The following NRG2 variants were observed in gnomAD, a reference collection of about 807,000 sequenced individuals.
The protein encoded by NRG2 is pro-neuregulin-2, membrane-bound isoform.
NRG2 carries 27 observed loss-of-function variants against 73.9 expected under a neutral mutation model. The ratio of observed to expected loss-of-function variants is 0.37; its 90% confidence interval spans 0.27 to 0.50. The LOEUF (loss-of-function observed/expected upper bound fraction) is 0.50. Among genes scored for constraint, NRG2 ranks in the 20% least tolerant of loss-of-function variants. The pLI is 0.96. For synonymous variants in NRG2, 532 were observed against 541.0 expected (o/e 0.98, Z 0.23); for missense variants, 1,126 against 1,210.1 (o/e 0.93, Z 1.03).
intron 1 of NRG2, among the ~76,000 whole-genome samples, chr5:140,000,519 G>A (rs1412177595): frequency 3.3e-5 from 5 of 152,234 alleles, no homozygotes; most frequent in African/African-American, 7.2e-5. Context: ...TTAAGTAGGC[G>A]TGAGAACCCA....
rs145994490 is a variant in NRG2, at chr5:139,961,842, G to A, written c.701-74331C>T. On this transcript the variant is annotated intron_variant, in intron 1 of 9. Coordinates refer to ENST00000361474, the MANE Select transcript of NRG2 (RefSeq NM_004883.3). Reference sequence around the variant, plus strand: ...GCAGCTCAATCCAGTTTCAGGAATCGTCTGCAATAGCCACTGTCCTGACTT... The same window carrying A: ...GCAGCTCAATCCAGTTTCAGGAATCATCTGCAATAGCCACTGTCCTGACTT... Among the ~76,000 whole-genome samples, 701 of 152,318 alleles carry A rather than the reference G, an allele frequency of 4.6e-3. 9 individuals carry two copies. Among genetic ancestry groups the A allele is most frequent in the African/African-American group, 0.016 (682 of 41,562 alleles).
At chr5:139,895,421 C>T (rs914569464) in intron 1 of NRG2, among the ~76,000 whole-genome samples, 2 of 152,242 alleles carry the variant, frequency 1.3e-5, no homozygotes, top group African/African-American at 4.8e-5. Flanking sequence ...GCAGCAGTTG[C>T]TGGGGTAGGC....
Position 139,856,751 on chromosome 5 carries a change from C to A in NRG2, c.1190-973G>T, listed in dbSNP as rs1330050384. 5.3e-5 allele frequency among the ~76,000 whole-genome samples: 8 copies of A among 152,218 alleles called. No individual in the cohort carries two copies. The highest frequency in any genetic ancestry group is 1.4e-4 in the African/African-American group (6 of 41,462). On this transcript the variant is annotated intron_variant, in intron 5 of 9. Coordinates refer to ENST00000361474, the MANE Select transcript of NRG2 (RefSeq NM_004883.3). The surrounding 1 kb of genome is among the most constrained non-coding windows in gnomAD (Gnocchi z 4.2). ...CCTCCAGACACACAGAGATTTCTAA[C>A]TATGCCTATCTGATTCACAGGCAGA...
intron 3 of NRG2, among the ~76,000 whole-genome samples, chr5:139,874,197 C>G (rs893354446): frequency 7.9e-5 from 12 of 152,138 alleles, no homozygotes; most frequent in Admixed American, 7.9e-4. Context: ...CGCGTGGGCT[C>G]CTGAGGCAAC....
At chr5:139,956,393 C>G (rs1754629209) in intron 1 of NRG2, among the ~76,000 whole-genome samples, 1 of 151,776 alleles carries the variant, frequency 6.6e-6, no homozygotes, top group Middle Eastern at 3.2e-3. Context: ...CAGGCCCTAC[C>G]TACATGAAGT....
chr5:139,878,001 T>A (rs1581840935), intron 3 of NRG2, among the ~76,000 whole-genome samples: 2 of 152,068 alleles, frequency 1.3e-5, no homozygotes, highest in East Asian at 3.9e-4. Flanking sequence ...GTTCCTAAAC[T>A]GATCACAGCA....
chr5:139,872,291 G>A (rs1483240454), intron 3 of NRG2, among the ~76,000 whole-genome samples: 2 of 152,210 alleles, frequency 1.3e-5, no homozygotes, highest in African/African-American at 2.4e-5. Context: ...CATGGCTTGG[G>A]CTCTCATGGT....
chr5:139,883,319 ACCCCCGC>A (rs1162655708), intron 2 of NRG2, among the ~76,000 whole-genome samples: 2 of 130,228 alleles, frequency 1.5e-5, no homozygotes, highest in Admixed American at 1.6e-4. Flanking sequence ...CTCAGCGCCT[ACCCCCGC>A]CCCCCGCCCC....
At chr5:139,966,611 A>C (rs1755538621) in intron 1 of NRG2, among the ~76,000 whole-genome samples, 1 of 152,132 alleles carries the variant, frequency 6.6e-6, no homozygotes, top group South Asian at 2.1e-4. Context: ...ATTTCACAAA[A>C]AGAGGTTAGT....
intron 1 of NRG2, among the ~76,000 whole-genome samples, chr5:140,001,937 C>T (rs997399696): frequency 1.3e-5 from 2 of 152,212 alleles, no homozygotes; most frequent in African/African-American, 2.4e-5. Flanking sequence ...AATCCCAGCA[C>T]TTTGGAAGGC....
chr5:140,030,925 T>C (rs13173983), intron 1 of NRG2, among the ~76,000 whole-genome samples: 38,766 of 151,992 alleles, frequency 0.26, 5,129 homozygotes, highest in Middle Eastern at 0.4. Flanking sequence ...GTTACTAGCC[T>C]TTTTGGAGAA....
rs956441871 is a variant in NRG2 at position 139,904,552 on chromosome 5, C to T, written c.701-17041G>A. Among the ~76,000 whole-genome samples, 3 of 152,242 alleles carry T rather than the reference C, an allele frequency of 2.0e-5. No individual in the cohort carries two copies. The East Asian group carries it at 5.8e-4, about 30-fold the overall frequency. ...AGCAGCGAGCCTTAACTCTTCCCCT[C>T]CCGCGCCCTCCACCCTCGCCCCCCC... On this transcript the variant is annotated intron_variant, in intron 1 of 9. Coordinates refer to ENST00000361474, the MANE Select transcript of NRG2 (RefSeq NM_004883.3). This position sits in a 1 kb window ranked among gnomAD's most constrained non-coding sequence, Gnocchi z 6.0.
chr5:139,950,410 T>C (rs67659189), intron 1 of NRG2, among the ~76,000 whole-genome samples: 7,204 of 152,256 alleles, frequency 0.047, 359 homozygotes, highest in African/African-American at 0.12. Context: ...TCTTTCAAAG[T>C]AGAAAATTCC....
At chr5:139,858,545 C>G (rs189285370) in intron 5 of NRG2, among the ~76,000 whole-genome samples, 46 of 152,276 alleles carry the variant, frequency 3.0e-4, no homozygotes, top group African/African-American at 1.1e-3. Flanking sequence ...GACTGTGTGT[C>G]TGGTAAATTC....
intron 1 of NRG2, among the ~76,000 whole-genome samples, chr5:140,033,158 C>T (rs1285507585): frequency 3.3e-5 from 5 of 152,206 alleles, no homozygotes; most frequent in South Asian, 4.1e-4. Flanking sequence ...TTACAACTCA[C>T]TACAGAAACA....
intron 1 of NRG2, among the ~76,000 whole-genome samples, chr5:139,937,755 TACAAAAAATCTAGAGAAAAA>T (rs1411677968): frequency 6.6e-6 from 1 of 152,058 alleles, no homozygotes; most frequent in Non-Finnish European, 1.5e-5. Context: ...GCATCAAAAA[TACAAAAAATCTAGAGAAAAA>T]ATTAACAAAA....
At chr5:139,977,846 G>T (rs1409066436) in intron 1 of NRG2, among the ~76,000 whole-genome samples, 1 of 152,152 alleles carries the variant, frequency 6.6e-6, no homozygotes, top group Admixed American at 6.5e-5. Context: ...AATGGGGAAA[G>T]GATTCCCTAT....
intron 1 of NRG2, among the ~76,000 whole-genome samples, chr5:139,988,097 T>C (rs1319647202): frequency 6.6e-6 from 1 of 152,004 alleles, no homozygotes; most frequent in Non-Finnish European, 1.5e-5. Flanking sequence ...TTTCAGAAAC[T>C]AATTCAAGAT....
rs1761154760 is a variant in NRG2, at chr5:139,848,353, C to A, written c.2117G>T (p.Arg706Leu). The change falls in exon 10 of 10, where the codon CGC becomes CTC. Residue 706 changes from arginine to leucine, a missense_variant. By Grantham distance (102) the Arg-to-Leu change is moderately radical. Transcript: ENST00000361474. ...SLGSLPASPF[R>L]IPEDDEYETT... Reference sequence around the variant, plus strand: ...CTCGTACTCGTCGTCCTCGGGGATGCGGAAGGGGCTGGCAGGCAGGCTGCC... The same window carrying A: ...CTCGTACTCGTCGTCCTCGGGGATGAGGAAGGGGCTGGCAGGCAGGCTGCC... The A allele has an allele frequency of 1.3e-5, 16 of 1,222,296 alleles. No homozygotes were observed. Among genetic ancestry groups the A allele is most frequent in the Non-Finnish European group, 1.6e-5 (16 of 984,706 alleles). 75.7% of individuals were successfully genotyped at this position (1,222,296 alleles called of 1,614,324 possible).
Sources: allele counts gnomAD v4.1 joint callset (sites outside exome capture counted in the v4.1 genomes callset), GRCh38; gene constraint gnomAD v4.1.1; non-coding constraint Gnocchi (gnomAD v3.1); transcripts MANE v1.5; gene names NCBI Gene and HGNC (gene_info 2026-07-23, HGNC 2026-07-21).